ABCA5: variants seen among roughly 807,000 people sequenced by gnomAD.
ABCA5 encodes the protein ATP binding cassette subfamily A member 5.
Under a neutral mutation model 206.0 loss-of-function variants are expected in ABCA5, and 163 were observed. The ratio of observed to expected loss-of-function variants is 0.79; its 90% CI spans 0.70 to 0.90. ABCA5 has a LOEUF of 0.90. ABCA5 is among the 40% of genes least tolerant of loss of function. ABCA5 has a pLI of 0.00. For synonymous variants in ABCA5, 609 were observed against 613.8 expected (o/e 0.99, Z 0.11); for missense variants, 1,859 against 1,912.9 (o/e 0.97, Z 0.53).
intron 28 of ABCA5, among the ~76,000 whole-genome samples, chr17:69,257,654 T>C (rs2075098629): frequency 2.0e-5 from 3 of 150,918 alleles, no homozygotes; most frequent in Admixed American, 6.6e-5. Flanking sequence ...CTTTCATATA[T>C]GAAAGAAAGG....
intron 1 of ABCA5, among the ~76,000 whole-genome samples, chr17:69,320,014 T>C (rs2075849703): frequency 6.6e-6 from 1 of 152,182 alleles, no homozygotes. Context: ...ATCTGTAAAA[T>C]ACAACAATAG....
rs1355949521 is a variant in ABCA5 at position 69,318,700 on chromosome 17, C to G, written c.-15-4270G>C. ...AAATAAATTCTTCCAGCATTCCATT[C>G]CAAGGCATCTGTGAACCTGTGGAGT... On this transcript the variant is annotated intron_variant, in intron 1 of 38. Coordinates refer to ENST00000392676, the MANE Select transcript of ABCA5 (RefSeq NM_172232.4). The G allele has an allele frequency of 9.7e-6, 5 of 514,826 alleles. No homozygotes were observed. The Admixed American group carries it at 1.5e-4, about 15-fold the overall frequency. 31.9% of individuals were successfully genotyped at this position (514,826 alleles called of 1,614,324 possible).
At chr17:69,287,110 T>A (rs938771444) in intron 15 of ABCA5, among the ~76,000 whole-genome samples, 9 of 152,188 alleles carry the variant, frequency 5.9e-5, no homozygotes, top group African/African-American at 1.9e-4. Flanking sequence ...AATCTGGAAC[T>A]TTGGTATGTG....
At chr17:69,299,455 T>TACACACACACACACACAC (rs779059294) in intron 9 of ABCA5, among the ~76,000 whole-genome samples, 1 of 62,550 alleles carries the variant, frequency 1.6e-5, no homozygotes, top group Non-Finnish European at 4.0e-5. Context: ...GAAAATGTGA[T>TACACACACACACACACAC]ACACACACAC....
intron 18 of ABCA5, among the ~76,000 whole-genome samples, chr17:69,282,762 A>C (rs1431817722): frequency 4.8e-5 from 3 of 62,286 alleles, no homozygotes; most frequent in Admixed American, 2.0e-4. Flanking sequence ...ACAGAGCAAG[A>C]CTCAAAAAAA....
At chr17:69,269,397 C>A (rs1321528367) in intron 22 of ABCA5, among the ~76,000 whole-genome samples, 1 of 152,070 alleles carries the variant, frequency 6.6e-6, no homozygotes, top group Non-Finnish European at 1.5e-5. Context: ...GTTTTCTGTA[C>A]GTTTGAAATA....
At chr17:69,264,988 T>C (rs756647818) in intron 23 of ABCA5, 83 bp from the exon 24 acceptor site, 14 of 1,009,680 alleles carry the variant, frequency 1.4e-5, no homozygotes, top group African/African-American at 1.7e-5. Flanking sequence ...TGTAGATCTC[T>C]TAATTTTACA....
chr17:69,256,258 T>C lies in ABCA5; in HGVS notation c.3757A>G (p.Arg1253Gly). The change falls in exon 29 of 39, where the codon AGG (arginine) becomes GGG (glycine). Residue 1253 changes from arginine to glycine, a missense_variant. Arg to Gly is a moderately radical substitution (Grantham distance 125). Coordinates refer to ENST00000392676, the MANE Select transcript of ABCA5 (RefSeq NM_172232.4). ...FRNLSTKSKN[R>G]KLPEPPDNED... Reference sequence around the variant, plus strand: ...TTGTCTGGTGGTTCTGGAAGCTTCCTATTTTTAGACTTCGTTGAAAGGTTT... The same window carrying C: ...TTGTCTGGTGGTTCTGGAAGCTTCCCATTTTTAGACTTCGTTGAAAGGTTT... 3 of 1,603,304 alleles carry C rather than the reference T, an allele frequency of 1.9e-6. No homozygotes were observed. Among genetic ancestry groups the C allele is most frequent in the Non-Finnish European group, 2.6e-6 (3 of 1,173,846 alleles).
At chr17:69,281,284 T>G (rs183628822) in intron 18 of ABCA5, among the ~76,000 whole-genome samples, 1 of 151,384 alleles carries the variant, frequency 6.6e-6, no homozygotes, top group Admixed American at 6.6e-5. Context: ...TTAATTTAGA[T>G]AATAATATAA....
intron 28 of ABCA5, among the ~76,000 whole-genome samples, chr17:69,257,353 CAAAA>C (rs542087331): frequency 1.8e-5 from 1 of 54,900 alleles, no homozygotes. Flanking sequence ...GATTCCATCT[CAAAA>C]AAAAAAAAAA....
chr17:69,262,239 A>G (rs2075156640), intron 24 of ABCA5, among the ~76,000 whole-genome samples: 1 of 152,114 alleles, frequency 6.6e-6, no homozygotes, highest in East Asian at 1.9e-4. Context: ...AGTAATTTCT[A>G]GTTTTACTTT....
In ABCA5 at chr17:69,297,248, C is replaced by G. The variant is rs573087768; in HGVS notation, c.1379G>C (p.Ser460Thr). ...LSEGNVNGNI[S>T]FSEIIEPVSS... ...AACTGGCTCAATAATTTCACTAAAA[C>G]TAATATTTCCATTAACATTGCCCTC... Residue 460 changes from serine (S) to threonine (T), a missense_variant, in exon 10 of 39, where the codon AGT becomes ACT. Transcript: ENST00000392676. 3.6e-5 allele frequency: 58 copies of G among 1,612,882 alleles called. No individual in the cohort carries two copies. In the South Asian group the frequency reaches 5.7e-4, roughly 16 times the overall value.
intron 14 of ABCA5, among the ~76,000 whole-genome samples, chr17:69,288,656 G>A (rs1026845466): frequency 1.3e-5 from 2 of 151,158 alleles, no homozygotes; most frequent in Non-Finnish European, 2.9e-5. Context: ...ATCGCTTGAG[G>A]CCAGTTCAAG....
chr17:69,318,689 A>G, intron 1 of ABCA5: 1 of 471,364 alleles, frequency 2.1e-6, no homozygotes. Flanking sequence ...AAATTCTTCC[A>G]GCATTCCATT....
intron 1 of ABCA5, chr17:69,317,073 A>G (rs1207447084): frequency 6.6e-6 from 1 of 152,238 alleles, no homozygotes; most frequent in Non-Finnish European, 1.5e-5. Flanking sequence ...AAACTGTGGC[A>G]TATACATACA....
In ABCA5 at chr17:69,256,455, T is replaced by TC. The variant is rs1485452027; in HGVS notation, c.3732-173dup. Among the ~76,000 whole-genome samples the TC allele has an allele frequency of 1.3e-3, 199 of 150,886 alleles. 1 individual carries two copies. The highest frequency in any genetic ancestry group is 4.5e-3 in the African/African-American group (187 of 41,180). ...ATTTCTTTTTTTTTCTTTCTTTCTT[T>TC]CTTTTTTTTTTTTTTTAAGACAGGG... On this transcript the variant is annotated intron_variant, in intron 28 of 38. Coordinates refer to ENST00000392676, the MANE Select transcript of ABCA5 (RefSeq NM_172232.4).
chr17:69,321,249 A>G (rs1004718031), intron 1 of ABCA5, among the ~76,000 whole-genome samples: 11 of 152,210 alleles, frequency 7.2e-5, no homozygotes. Flanking sequence ...TTGTGGATGA[A>G]AGAATGAGGT....
In ABCA5 at chr17:69,248,264, G is replaced by C. The variant is rs1408754005; in HGVS notation, c.4819C>G (p.Gln1607Glu). Residue 1607 changes from glutamine (Q) to glutamate (E), a missense_variant and splice_region_variant, in exon 38 of 39, where the codon CAG becomes GAG. Gln to Glu is a conservative substitution (Grantham distance 29, BLOSUM62 2). Coordinates refer to ENST00000392676, the MANE Select transcript of ABCA5 (RefSeq NM_172232.4). Reference protein sequence around the residue: ...EYSFSQATLEQVFVELTKEQE... With the variant: ...EYSFSQATLEEVFVELTKEQE... Reference sequence around the variant, plus strand: ...TTAAAAATTTAACTTTATAGTACCTGTTCCAATGTTGCTTGAGAAAAGCTA... The same window carrying C: ...TTAAAAATTTAACTTTATAGTACCTCTTCCAATGTTGCTTGAGAAAAGCTA... 6.5e-7 allele frequency: 1 copy of C among 1,542,124 alleles called. No homozygotes were observed. Among genetic ancestry groups the C allele is most frequent in the Admixed American group, 1.7e-5 (1 of 57,920 alleles).
intron 7 of ABCA5, chr17:69,304,420 A>G: frequency 3.6e-6 from 1 of 275,416 alleles, no homozygotes; most frequent in Non-Finnish European, 6.6e-6. Flanking sequence ...TAAAGACAAC[A>G]GATAGAGGAG....
Sources: gnomAD v4.1 joint callset for allele counts (sites outside exome capture counted in the v4.1 genomes callset) on GRCh38, gnomAD v4.1.1 for gene constraint, MANE v1.5 for transcripts, NCBI Gene and HGNC (gene_info 2026-07-23, HGNC 2026-07-21) for gene names.